Variants in SLC25A48 observed in about 807,000 individuals in gnomAD.
SLC25A48 encodes the protein solute carrier family 25 member 48.
Under a neutral mutation model 32.2 loss-of-function variants are expected in SLC25A48, and 29 were observed. That is an observed-to-expected ratio of 0.90 (90% CI 0.67 to 1.23). The LOEUF (loss-of-function observed/expected upper bound fraction) is 1.23. Among genes scored for constraint, SLC25A48 ranks in the 50% most tolerant of loss-of-function variants. SLC25A48 has a pLI of 0.00. For missense variants in SLC25A48, 399 were observed against 422.7 expected, an observed-to-expected ratio of 0.94 and a Z score of 0.49; for synonymous variants, 164 against 172.3, an observed-to-expected ratio of 0.95 and a Z score of 0.38.
intron 3 of SLC25A48, among the ~76,000 whole-genome samples, chr5:135,738,979 G>T (rs1029506257): frequency 6.6e-6 from 1 of 152,206 alleles, no homozygotes; most frequent in African/African-American, 2.4e-5. Context: ...CTACTTGGGA[G>T]GTTGAGGAAG....
chr5:135,588,096 G>C (rs774490429), intron 1 of SLC25A48, among the ~76,000 whole-genome samples: 2 of 152,204 alleles, frequency 1.3e-5, no homozygotes, highest in Non-Finnish European at 2.9e-5. Context: ...CGTGGCTGAC[G>C]GTCCAGTGTC....
chr5:135,596,153 T>C (rs1751644840), intron 1 of SLC25A48, among the ~76,000 whole-genome samples: 2 of 152,272 alleles, frequency 1.3e-5, no homozygotes, highest in South Asian at 2.1e-4. Flanking sequence ...TTTGTGTGTA[T>C]AGACATTTCA....
intron 3 of SLC25A48, among the ~76,000 whole-genome samples, chr5:135,683,221 T>C (rs896129944): frequency 6.6e-6 from 1 of 151,636 alleles, no homozygotes; most frequent in African/African-American, 2.4e-5. Context: ...AGGAATGGGG[T>C]GGGAGGAGGG....
At chr5:135,660,871 G>A (rs1753379542) in intron 3 of SLC25A48, among the ~76,000 whole-genome samples, 1 of 152,214 alleles carries the variant, frequency 6.6e-6, no homozygotes, top group African/African-American at 2.4e-5. Context: ...CACACTCTGA[G>A]CAGCAGGAAC....
At chr5:135,588,909 C>G (rs1415120617) in intron 1 of SLC25A48, among the ~76,000 whole-genome samples, 1 of 152,092 alleles carries the variant, frequency 6.6e-6, no homozygotes, top group Non-Finnish European at 1.5e-5. Flanking sequence ...GAGGCCATTT[C>G]AACTCCCATT....
intron 3 of SLC25A48, among the ~76,000 whole-genome samples, chr5:135,707,299 G>A (rs549350951): frequency 6.6e-6 from 1 of 152,244 alleles, no homozygotes; most frequent in South Asian, 2.1e-4. Flanking sequence ...GAGGCCTTGT[G>A]CACTCTTGCT....
chr5:135,691,492 A>T (rs1754142300), intron 3 of SLC25A48, among the ~76,000 whole-genome samples: 2 of 152,162 alleles, frequency 1.3e-5, no homozygotes, highest in Admixed American at 1.3e-4. Flanking sequence ...CAGGCACTGC[A>T]TGGGGCATCT....
chr5:135,651,398 G>C lies in SLC25A48; in HGVS notation c.-521+16442G>C, dbSNP rs1028667093. On this transcript the variant is annotated intron_variant, in intron 3 of 10. Coordinates refer to the SLC25A48 transcript ENST00000646290. ...ACTCCCTCAGGTGACTGTACAGTGA[G>C]TTCCTAGGCATGGCATGTGTGGACA... Among the ~76,000 whole-genome samples the C allele has an allele frequency of 3.9e-5, 6 of 152,162 alleles. No homozygotes were observed. The East Asian group carries it at 1.2e-3, about 29-fold the overall frequency.
At chr5:135,851,766 C>T (rs996566476) in intron 3 of SLC25A48, among the ~76,000 whole-genome samples, 8 of 152,164 alleles carry the variant, frequency 5.3e-5, no homozygotes, top group Non-Finnish European at 1.0e-4. Context: ...TGCCCTGACT[C>T]CTCCAAGGGC....
At chr5:135,693,874 G>A (rs1020666015) in intron 3 of SLC25A48, among the ~76,000 whole-genome samples, 1 of 152,214 alleles carries the variant, frequency 6.6e-6, no homozygotes, top group African/African-American at 2.4e-5. Context: ...GGGGCGATGG[G>A]CCTCCCCAGC....
chr5:135,734,523 C>T (rs1243108668), intron 3 of SLC25A48, among the ~76,000 whole-genome samples: 1 of 151,926 alleles, frequency 6.6e-6, no homozygotes, highest in Non-Finnish European at 1.5e-5. Flanking sequence ...TGGTAGCCTC[C>T]CTATTTATTA....
chr5:135,826,066 C>G (rs766993749), intron 4 of SLC25A48: 3 of 152,270 alleles, frequency 2.0e-5, no homozygotes, highest in Non-Finnish European at 4.4e-5. Context: ...GACCCTGGCA[C>G]TCAGGCCTGT....
chr5:135,856,483 G>A (rs1760331106), intron 4 of SLC25A48, among the ~76,000 whole-genome samples: 1 of 152,186 alleles, frequency 6.6e-6, no homozygotes, highest in East Asian at 1.9e-4. Flanking sequence ...CCCCGGAGCT[G>A]CCCAGGACAG....
intron 1 of SLC25A48, among the ~76,000 whole-genome samples, chr5:135,607,978 T>C (rs1274302832): frequency 6.6e-6 from 1 of 152,228 alleles, no homozygotes; most frequent in Admixed American, 6.5e-5. Context: ...GAGACTATAC[T>C]TGTTTTCATA....
At chr5:135,713,360 A>G (rs1754715822) in intron 3 of SLC25A48, among the ~76,000 whole-genome samples, 1 of 152,188 alleles carries the variant, frequency 6.6e-6, no homozygotes, top group African/African-American at 2.4e-5. Context: ...CTTTTTCACA[A>G]CTATGAACTT....
At chr5:135,886,479 A>G (rs1762717299) in intron 7 of SLC25A48, among the ~76,000 whole-genome samples, 1 of 150,654 alleles carries the variant, frequency 6.6e-6, no homozygotes, top group Admixed American at 6.6e-5. Context: ...TCAGCCAGCA[A>G]TGGATCTGCT....
intron 3 of SLC25A48, among the ~76,000 whole-genome samples, chr5:135,657,447 A>G (rs1355297485): frequency 6.6e-6 from 1 of 152,260 alleles, no homozygotes; most frequent in African/African-American, 2.4e-5. Flanking sequence ...CATGGCAGTC[A>G]TAACCACGAC....
intron 7 of SLC25A48, among the ~76,000 whole-genome samples, chr5:135,884,657 CT>C (rs1194385414): frequency 6.6e-6 from 1 of 152,158 alleles, no homozygotes; most frequent in Non-Finnish European, 1.5e-5. Flanking sequence ...TGAAGAGATG[CT>C]TCTGGCACCT....
intron 3 of SLC25A48, among the ~76,000 whole-genome samples, chr5:135,758,184 A>G (rs1755970021): frequency 6.6e-6 from 1 of 150,696 alleles, no homozygotes; most frequent in African/African-American, 2.4e-5. Flanking sequence ...TATTTGTAAT[A>G]TTTCCAGTGT....
Sources: gnomAD v4.1 joint callset for allele counts (sites outside exome capture counted in the v4.1 genomes callset) on GRCh38, gnomAD v4.1.1 for gene constraint, MANE v1.5 for transcripts, NCBI Gene and HGNC (gene_info 2026-07-23, HGNC 2026-07-21) for gene names.